The following LRMDA variants were observed in gnomAD, a reference collection of about 807,000 sequenced individuals.
LRMDA encodes the protein leucine-rich melanocyte differentiation-associated protein.
In LRMDA, 18 loss-of-function variants were observed where a neutral mutation model predicts 29.8. The observed-to-expected ratio is 0.60, with a 90% CI of 0.42 to 0.90. LRMDA has a LOEUF of 0.90. Among genes scored for constraint, LRMDA ranks in the 40% least tolerant of loss-of-function variants. The pLI is 0.00. For missense variants in LRMDA, 273 were observed against 273.9 expected, an observed-to-expected ratio of 1.00 and a Z score of 0.02; for synonymous variants, 125 against 109.4, an observed-to-expected ratio of 1.14 and a Z score of -0.89.
At chr10:75,980,384 C>A (rs1230672329) in intron 2 of LRMDA, among the ~76,000 whole-genome samples, 1 of 152,218 alleles carries the variant, frequency 6.6e-6, no homozygotes, top group Non-Finnish European at 1.5e-5. Context: ...GCAGTCAATA[C>A]TGTTGAATAC....
At chr10:76,162,443 C>T (rs140250583) in intron 5 of LRMDA, among the ~76,000 whole-genome samples, 91 of 152,190 alleles carry the variant, frequency 6.0e-4, no homozygotes, top group African/African-American at 1.9e-3. Context: ...GTCTAATTTA[C>T]GAAGAAAAGA....
intron 2 of LRMDA, among the ~76,000 whole-genome samples, chr10:76,022,765 A>C (rs1285042553): frequency 6.6e-6 from 1 of 151,880 alleles, no homozygotes; most frequent in Non-Finnish European, 1.5e-5. Context: ...GGGGATGCTC[A>C]ATAAATATTT....
Position 75,531,659 on chromosome 10 carries a change from C to T in LRMDA, c.131+93165C>T, listed in dbSNP as rs78019234. ...AAAGCCAGCACTCTTGTTCTCTGGA[C>T]AGGGTCTTTTAATCACCTAGTGTAT... On this transcript the variant is annotated intron_variant, in intron 2 of 6. Coordinates refer to ENST00000611255, the MANE Select transcript of LRMDA (RefSeq NM_001305581.2). Among the ~76,000 whole-genome samples the T allele has an allele frequency of 8.2e-3, 1,247 of 152,258 alleles. 15 individuals are homozygous for T. The highest frequency in any genetic ancestry group is 0.029 in the African/African-American group (1,204 of 41,546).
At chr10:75,572,223 A>T (rs1840445864) in intron 2 of LRMDA, among the ~76,000 whole-genome samples, 1 of 152,174 alleles carries the variant, frequency 6.6e-6, no homozygotes, top group Non-Finnish European at 1.5e-5. Flanking sequence ...AAGTGCTGGG[A>T]TTATGGGCAT....
Position 76,324,891 on chromosome 10 carries a change from T to G in LRMDA, c.601+406T>G, listed in dbSNP as rs559227532. On this transcript the variant is annotated intron_variant, in intron 6 of 6. Coordinates refer to ENST00000611255, the MANE Select transcript of LRMDA (RefSeq NM_001305581.2). ...ATTTCAAAATGAATGAACTCTATGTTATAACTAAAAGGAATTCCAATTTGC... is the reference window on the plus strand; with the variant it reads ...ATTTCAAAATGAATGAACTCTATGTGATAACTAAAAGGAATTCCAATTTGC... Among the ~76,000 whole-genome samples the G allele has an allele frequency of 2.3e-4, 35 of 152,298 alleles. 1 individual carries two copies. In the South Asian group the frequency reaches 3.1e-3, roughly 14 times the overall value.
intron 2 of LRMDA, among the ~76,000 whole-genome samples, chr10:75,590,249 G>A (rs1840706898): frequency 6.6e-6 from 1 of 152,002 alleles, no homozygotes; most frequent in Non-Finnish European, 1.5e-5. Context: ...GAACTCCTGG[G>A]CTCAAGCAGT....
At chr10:76,399,249 G>T (rs1841822248) in intron 6 of LRMDA, among the ~76,000 whole-genome samples, 1 of 151,996 alleles carries the variant, frequency 6.6e-6, no homozygotes, top group Admixed American at 6.6e-5. Context: ...GTTTTTGAGG[G>T]GCCTTTGCCT....
chr10:75,744,855 A>G (rs562668473), intron 2 of LRMDA, among the ~76,000 whole-genome samples: 11 of 152,146 alleles, frequency 7.2e-5, no homozygotes, highest in Non-Finnish European at 1.3e-4. Flanking sequence ...ATGTATTCAG[A>G]TTCAGAGCCC....
At chr10:75,485,319 A>G (rs182504609) in intron 2 of LRMDA, among the ~76,000 whole-genome samples, 2 of 152,242 alleles carry the variant, frequency 1.3e-5, no homozygotes, top group East Asian at 1.9e-4. Flanking sequence ...TTTTGACTAT[A>G]CTTTCTGCTC....
chr10:76,470,521 T>C (rs1398143953), intron 6 of LRMDA: 3 of 151,932 alleles, frequency 2.0e-5, no homozygotes, highest in African/African-American at 7.2e-5. Flanking sequence ...GATTAATGGA[T>C]AAAAAATGTT....
chr10:75,829,437 A>G (rs1329447054), intron 2 of LRMDA, among the ~76,000 whole-genome samples: 1 of 152,178 alleles, frequency 6.6e-6, no homozygotes, highest in East Asian at 1.9e-4. Context: ...CAATTCTGAG[A>G]ATGCAGTTTT....
At chr10:76,425,068 G>A (rs1036877291) in intron 6 of LRMDA, among the ~76,000 whole-genome samples, 3 of 152,154 alleles carry the variant, frequency 2.0e-5, no homozygotes, top group Non-Finnish European at 2.9e-5. Context: ...ATGCTGGAAC[G>A]TGGAGATGCA....
chr10:76,010,148 C>G (rs1847750762), intron 2 of LRMDA, among the ~76,000 whole-genome samples: 1 of 152,080 alleles, frequency 6.6e-6, no homozygotes, highest in South Asian at 2.1e-4. Flanking sequence ...GGCTTCCTCA[C>G]CATTGCATTG....
intron 2 of LRMDA, among the ~76,000 whole-genome samples, chr10:75,652,199 G>T (rs1185800462): frequency 6.6e-6 from 1 of 152,190 alleles, no homozygotes; most frequent in Middle Eastern, 3.2e-3. Flanking sequence ...ACCAAGTTCT[G>T]ACAAAGCAAG....
chr10:76,047,337 AGGG>A, intron 4 of LRMDA, 34 bp downstream of exon 4: 2 of 1,565,306 alleles, frequency 1.3e-6, no homozygotes, highest in Non-Finnish European at 1.7e-6. Flanking sequence ...TGGTGGGAAA[AGGG>A]AAAAAGAGAA....
intron 6 of LRMDA, among the ~76,000 whole-genome samples, chr10:76,430,908 A>T (rs544711678): frequency 1.3e-5 from 2 of 152,276 alleles, no homozygotes; most frequent in South Asian, 2.1e-4. Context: ...TAGTATCTGG[A>T]GTAGAGATTA....
Position 76,147,514 on chromosome 10 carries a change from G to C in LRMDA, c.516+88731G>C, listed in dbSNP as rs1212910292. Among the ~76,000 whole-genome samples, 161 of 152,196 alleles carry C rather than the reference G, an allele frequency of 1.1e-3. 1 individual carries two copies. Among genetic ancestry groups the C allele is most frequent in the Non-Finnish European group, 2.1e-4 (14 of 68,020 alleles). On this transcript the variant is annotated intron_variant, in intron 5 of 6. Transcript: ENST00000611255. ...CTTCTGCATTCGTCACGTAGCTCTCGTGCCTTGGTTTTCAGCTCCATCAGG... is the reference window on the plus strand; with the variant it reads ...CTTCTGCATTCGTCACGTAGCTCTCCTGCCTTGGTTTTCAGCTCCATCAGG...
chr10:76,265,829 T>G lies in LRMDA; in HGVS notation c.517-58572T>G, dbSNP rs141759341. The stretch of plus-strand genomic sequence containing the variant: ...TAATTTACAAACCAAAAGACTAACA[T>G]GTTATTTCCATTTGGGTGAGGGATA... On this transcript the variant is annotated intron_variant, in intron 5 of 6. Coordinates refer to ENST00000611255, the MANE Select transcript of LRMDA (RefSeq NM_001305581.2). Among the ~76,000 whole-genome samples, 299 of 152,334 alleles carry G rather than the reference T, an allele frequency of 2.0e-3. 2 individuals are homozygous for G. Among genetic ancestry groups the G allele is most frequent in the African/African-American group, 6.7e-3 (277 of 41,582 alleles).
At chr10:76,518,359 T>A (rs1339072036) in intron 6 of LRMDA, among the ~76,000 whole-genome samples, 1 of 152,008 alleles carries the variant, frequency 6.6e-6, no homozygotes, top group Non-Finnish European at 1.5e-5. Context: ...GAATAGAATA[T>A]ATCTCTCATA....
Sources: gnomAD v4.1 joint callset for allele counts (sites outside exome capture counted in the v4.1 genomes callset) on GRCh38, gnomAD v4.1.1 for gene constraint, MANE v1.5 for transcripts, NCBI Gene and HGNC (gene_info 2026-07-23, HGNC 2026-07-21) for gene names.